ZNF536: variants seen among roughly 807,000 people sequenced by gnomAD.
The protein encoded by ZNF536 is zinc finger protein 536.
In ZNF536, 13 loss-of-function variants were observed where a neutral mutation model predicts 84.5. That is an observed-to-expected ratio of 0.15 (90% CI 0.10 to 0.24). The LOEUF is 0.24. Among genes scored for constraint, ZNF536 ranks in the 10% least tolerant of loss-of-function variants. The pLI, the probability that ZNF536 is intolerant of heterozygous loss-of-function variation, is 1.00. For synonymous variants in ZNF536, 811 were observed against 742.5 expected, an observed-to-expected ratio of 1.09 and a Z score of -1.50; for missense variants, 1,536 against 1,747.5, an observed-to-expected ratio of 0.88 and a Z score of 2.16.
intron 2 of ZNF536, among the ~76,000 whole-genome samples, chr19:30,331,736 G>A (rs1357623221): frequency 6.6e-6 from 1 of 152,114 alleles, no homozygotes. Context: ...ATCCTATGAT[G>A]AGTCCATCAC....
At chr19:30,702,927 C>T (rs909251256) in intron 1 of ZNF536, among the ~76,000 whole-genome samples, 1 of 152,192 alleles carries the variant, frequency 6.6e-6, no homozygotes, top group Admixed American at 6.5e-5. Context: ...TCCTTGCCCC[C>T]GTGGAGCTGA....
intron 1 of ZNF536, among the ~76,000 whole-genome samples, chr19:30,402,796 A>ATATATGTATATAT: frequency 1.2e-5 from 1 of 85,598 alleles, no homozygotes; most frequent in South Asian, 4.5e-4. Flanking sequence ...AAAATTAAAA[A>ATATATGTATATAT]ATATATATAT....
Position 30,269,207 on chromosome 19 carries a change from C to T in ZNF536, c.-189-14865C>T, listed in dbSNP as rs376985506. On this transcript the variant is annotated intron_variant, in intron 1 of 5. Coordinates refer to the ZNF536 transcript ENST00000585628. ...AGTGGTCCCTGGAACTCCGCAGGAA[C>T]CCTGCCACCTGCCTGGGGAGGCCGC... is the stretch of plus-strand genomic sequence containing the variant. Among the ~76,000 whole-genome samples, 12 of 152,282 alleles carry T rather than the reference C, an allele frequency of 7.9e-5. No individual in the cohort carries two copies. The South Asian group carries it at 2.5e-3, about 32-fold the overall frequency.
rs11291289 is a variant in ZNF536 at position 30,297,903 on chromosome 19, T to TC, written c.-120+13772dup. Among the ~76,000 whole-genome samples, 726 of 126,344 alleles carry TC rather than the reference T, an allele frequency of 5.7e-3. 8 individuals carry two copies. Among genetic ancestry groups the TC allele is most frequent in the South Asian group, 0.02 (77 of 3,824 alleles). 82.9% of individuals were successfully genotyped at this position (126,344 alleles called of 152,430 possible). A position where few individuals can be genotyped will look rare whatever the true frequency, so the allele number is the denominator to read the frequency against. Reference sequence around the variant, plus strand: ...TTTTTTTTTTTTTCTCAAGACGGAGTCCCCCCCCCCTCTGTCGCCCAGGCT... The same window carrying TC: ...TTTTTTTTTTTTTCTCAAGACGGAGTCCCCCCCCCCCTCTGTCGCCCAGGCT... On this transcript the variant is annotated intron_variant, in intron 2 of 5. Transcript: ENST00000585628.
chr19:30,302,508 A>T (rs568952082), intron 2 of ZNF536, among the ~76,000 whole-genome samples: 1 of 152,294 alleles, frequency 6.6e-6, no homozygotes, highest in South Asian at 2.1e-4. Context: ...AGACAGGGGA[A>T]GTCAGGTGTC....
intron 2 of ZNF536, among the ~76,000 whole-genome samples, chr19:30,468,687 C>G (rs2053511753): frequency 6.6e-6 from 1 of 152,002 alleles, no homozygotes; most frequent in Non-Finnish European, 1.5e-5. Flanking sequence ...GAGATATGGT[C>G]TTGGGGGAAG....
intron 1 of ZNF536, among the ~76,000 whole-genome samples, chr19:30,267,549 T>A (rs2145397678): frequency 6.6e-6 from 1 of 152,200 alleles, no homozygotes; most frequent in South Asian, 2.1e-4. Context: ...ACCCTGTCCA[T>A]CTTTGCATCC....
At chr19:30,564,417 G>C in intron 1 of ZNF536, among the ~76,000 whole-genome samples, 1 of 151,822 alleles carries the variant, frequency 6.6e-6, no homozygotes, top group African/African-American at 2.4e-5. Flanking sequence ...GGGTAAAGAG[G>C]AGAGAGAGAG....
At chr19:30,684,623 T>C (rs1403864964) in intron 1 of ZNF536, among the ~76,000 whole-genome samples, 1 of 152,204 alleles carries the variant, frequency 6.6e-6, no homozygotes, top group East Asian at 1.9e-4. Flanking sequence ...TTCCTGGAAC[T>C]CCATTTTTAC....
At chr19:30,657,335 A>C (rs951335271) in intron 1 of ZNF536, among the ~76,000 whole-genome samples, 8 of 152,060 alleles carry the variant, frequency 5.3e-5, no homozygotes, top group Non-Finnish European at 1.2e-4. Context: ...ATAGTTAATC[A>C]CTCTACAGAC....
intron 1 of ZNF536, among the ~76,000 whole-genome samples, chr19:30,248,018 C>A (rs2024378120): frequency 6.6e-6 from 1 of 152,240 alleles, no homozygotes; most frequent in African/African-American, 2.4e-5. Context: ...CAGACAGCGG[C>A]ATCAGGAAGT....
chr19:30,689,772 G>T (rs1259823733), intron 1 of ZNF536, among the ~76,000 whole-genome samples: 20 of 152,162 alleles, frequency 1.3e-4, no homozygotes, highest in Admixed American at 1.3e-3. Context: ...AAAGTCTGCT[G>T]CATGTGTGAG....
chr19:30,502,757 G>A (rs1404071629), intron 2 of ZNF536, among the ~76,000 whole-genome samples: 5 of 152,162 alleles, frequency 3.3e-5, no homozygotes. Flanking sequence ...GTGTCACACA[G>A]CAAGGGAGTA....
intron 1 of ZNF536, among the ~76,000 whole-genome samples, chr19:30,575,211 G>A (rs776450651): frequency 5.3e-5 from 8 of 152,118 alleles, no homozygotes; most frequent in East Asian, 1.9e-4. Context: ...TCAACATTAG[G>A]GCATGGAAAT....
upstream of ZNF536, among the ~76,000 whole-genome samples, chr19:30,370,917 G>A (rs1306297503): frequency 6.6e-6 from 1 of 152,202 alleles, no homozygotes; most frequent in Non-Finnish European, 1.5e-5. Flanking sequence ...GGGTACAAAG[G>A]TAGTATGTTT....
intron 1 of ZNF536, chr19:30,284,051 T>TG (rs2045546729): frequency 6.6e-6 from 1 of 152,238 alleles, no homozygotes. Flanking sequence ...TTACAGTTTC[T>TG]AACAGGTCTT....
chr19:30,272,590 C>T (rs1029202115), intron 1 of ZNF536, among the ~76,000 whole-genome samples: 5 of 152,232 alleles, frequency 3.3e-5, no homozygotes, highest in African/African-American at 1.2e-4. Context: ...TCCCCTGAAC[C>T]TCTGGCAACC....
At chr19:30,520,801 T>C (rs532137478) in intron 2 of ZNF536, among the ~76,000 whole-genome samples, 3 of 152,280 alleles carry the variant, frequency 2.0e-5, no homozygotes, top group African/African-American at 7.2e-5. Flanking sequence ...AGGCTACCAA[T>C]TGGGACTCTG....
At chr19:30,231,582 C>T (rs1260846609) in intron 1 of ZNF536, among the ~76,000 whole-genome samples, 1 of 152,148 alleles carries the variant, frequency 6.6e-6, no homozygotes, top group Non-Finnish European at 1.5e-5. Context: ...TGGTTGGGCT[C>T]ACCTGTGTGC....
Sources: gnomAD v4.1 joint callset for allele counts (sites outside exome capture counted in the v4.1 genomes callset) on GRCh38, gnomAD v4.1.1 for gene constraint, MANE v1.5 for transcripts, NCBI Gene and HGNC (gene_info 2026-07-23, HGNC 2026-07-21) for gene names.